CLNK: variants seen among roughly 807,000 people sequenced by gnomAD.
The protein encoded by CLNK is cytokine-dependent hematopoietic cell linker.
A neutral mutation model predicts 68.6 loss-of-function variants in CLNK; 74 were observed. The ratio of observed to expected loss-of-function variants is 1.08; its 90% CI spans 0.89 to 1.31. The LOEUF (loss-of-function observed/expected upper bound fraction) is 1.31, where lower values mean the gene tolerates loss of function less well. Among genes scored for constraint, CLNK ranks in the 50% most tolerant of loss-of-function variants. The pLI is 0.00. For synonymous variants in CLNK, 198 were observed against 172.2 expected (o/e 1.15, Z -1.17); for missense variants, 553 against 515.3 (o/e 1.07, Z -0.71).
intron 7 of CLNK, among the ~76,000 whole-genome samples, chr4:10,562,958 C>T (rs75901272): frequency 0.047 from 7,111 of 152,144 alleles, 216 homozygotes; most frequent in Middle Eastern, 0.1. Context: ...TAGCAGGCAC[C>T]GATGACATAG....
intron 4 of CLNK, among the ~76,000 whole-genome samples, chr4:10,584,671 G>A (rs1443323171): frequency 6.6e-6 from 1 of 152,180 alleles, no homozygotes; most frequent in Non-Finnish European, 1.5e-5. Flanking sequence ...GGCTCAGAAA[G>A]ATCTGTGCTT....
intron 3 of CLNK, among the ~76,000 whole-genome samples, chr4:10,594,642 G>A (rs1357365113): frequency 6.6e-6 from 1 of 152,146 alleles, no homozygotes; most frequent in African/African-American, 2.4e-5. Context: ...CAGAAGGGCT[G>A]GGCACATGCT....
At chr4:10,539,924 A>G (rs1173301612) in intron 11 of CLNK, among the ~76,000 whole-genome samples, 3 of 152,258 alleles carry the variant, frequency 2.0e-5, no homozygotes, top group Non-Finnish European at 4.4e-5. Flanking sequence ...TCAGGCCACA[A>G]GTGAGCAATT....
At chr4:10,599,678 C>G (rs967727401) in intron 2 of CLNK, among the ~76,000 whole-genome samples, 2 of 152,178 alleles carry the variant, frequency 1.3e-5, no homozygotes, top group Non-Finnish European at 2.9e-5. Context: ...CACCAGTAGC[C>G]TGGGTGCTAA....
intron 3 of CLNK, among the ~76,000 whole-genome samples, chr4:10,585,229 A>G (rs577141210): frequency 3.1e-4 from 47 of 152,384 alleles, no homozygotes; most frequent in African/African-American, 1.1e-3. Flanking sequence ...ATAGCTGTAT[A>G]CGTACCTGAA....
intron 2 of CLNK, among the ~76,000 whole-genome samples, chr4:10,614,891 G>A (rs113064078): frequency 2.6e-5 from 4 of 152,302 alleles, no homozygotes; most frequent in African/African-American, 9.6e-5. Context: ...GAGATTAGAA[G>A]AGCAAAGAAG....
the CLNK span, among the ~76,000 whole-genome samples, chr4:10,718,230 G>A: frequency 1.3e-5 from 2 of 152,190 alleles, no homozygotes; most frequent in Admixed American, 6.5e-5. Flanking sequence ...AGGAGAAAGA[G>A]GGAAGGGTTG....
upstream of CLNK, among the ~76,000 whole-genome samples, chr4:10,689,609 A>T (rs1027958503): frequency 4.6e-5 from 7 of 152,106 alleles, no homozygotes; most frequent in African/African-American, 1.7e-4. Flanking sequence ...CTGGAGTAGC[A>T]CCTTGCAACT....
At chr4:10,512,016 G>C (rs555689080) in intron 16 of CLNK, among the ~76,000 whole-genome samples, 1 of 152,138 alleles carries the variant, frequency 6.6e-6, no homozygotes, top group East Asian at 1.9e-4. Flanking sequence ...ACATAGATAT[G>C]CCACAAATCA....
chr4:10,718,374 GA>G, the CLNK span, among the ~76,000 whole-genome samples: 2 of 151,776 alleles, frequency 1.3e-5, no homozygotes, highest in Admixed American at 1.3e-4. Flanking sequence ...TAAAGACAAA[GA>G]AAAAATCTTG....
intron 2 of CLNK, among the ~76,000 whole-genome samples, chr4:10,648,895 T>C (rs936513252): frequency 6.6e-6 from 1 of 152,180 alleles, no homozygotes; most frequent in African/African-American, 2.4e-5. Flanking sequence ...TTCCACTCTT[T>C]CATCTCTCAA....
In CLNK at chr4:10,566,017, T is replaced by C; in HGVS notation, c.284A>G (p.Glu95Gly). ...ILPARPIKES[E>G]YADTHYFKVA... ...AGACCCCCAAACGTTACCTGCATAT[T>C]CAGATTCCTTTATAGGCCGGGCTGG... The change falls in exon 6 of 19, where the codon GAA becomes GGA. Residue 95 changes from glutamate to glycine, a missense_variant. Coordinates refer to ENST00000226951, the MANE Select transcript of CLNK (RefSeq NM_052964.4). 6.2e-7 allele frequency: 1 copy of C among 1,613,838 alleles called. No homozygotes were observed. The highest frequency in any genetic ancestry group is 8.5e-7 in the Non-Finnish European group (1 of 1,179,774).
At chr4:10,546,292 G>T (rs948794904) in intron 8 of CLNK, among the ~76,000 whole-genome samples, 3 of 152,064 alleles carry the variant, frequency 2.0e-5, no homozygotes, top group African/African-American at 7.2e-5. Context: ...ATCAATGTAA[G>T]TTGCCAAAAT....
chr4:10,709,661 T>C, the CLNK span, among the ~76,000 whole-genome samples: 1 of 152,174 alleles, frequency 6.6e-6, no homozygotes, highest in African/African-American at 2.4e-5. Context: ...TGTAACTTGC[T>C]CTGGGCAACA....
intron 2 of CLNK, among the ~76,000 whole-genome samples, chr4:10,652,841 A>G (rs1195017902): frequency 6.6e-6 from 1 of 152,188 alleles, no homozygotes; most frequent in Non-Finnish European, 1.5e-5. Flanking sequence ...CACATGGAAT[A>G]TTGCAAAAAA....
chr4:10,731,631 T>C, the CLNK span, among the ~76,000 whole-genome samples: 1 of 152,214 alleles, frequency 6.6e-6, no homozygotes, highest in Non-Finnish European at 1.5e-5. Context: ...CAATTTGAGT[T>C]TGATATTTAC....
intron 3 of CLNK, among the ~76,000 whole-genome samples, chr4:10,597,050 C>G (rs1362880150): frequency 6.6e-6 from 1 of 152,216 alleles, no homozygotes; most frequent in East Asian, 1.9e-4. Context: ...CAAAACACCT[C>G]AAGTATTCTA....
chr4:10,539,279 G>T (rs1176317786), intron 11 of CLNK, among the ~76,000 whole-genome samples: 1 of 152,210 alleles, frequency 6.6e-6, no homozygotes, highest in Non-Finnish European at 1.5e-5. Flanking sequence ...TTATGCTTGT[G>T]TGGGGCTGTA....
intron 15 of CLNK, among the ~76,000 whole-genome samples, chr4:10,520,501 C>A (rs558946824): frequency 6.6e-6 from 1 of 152,248 alleles, no homozygotes; most frequent in East Asian, 1.9e-4. Context: ...TAAGACAGAG[C>A]AATTTCAGTC....
Sources: gnomAD v4.1 joint callset for allele counts (sites outside exome capture counted in the v4.1 genomes callset) on GRCh38, gnomAD v4.1.1 for gene constraint, MANE v1.5 for transcripts, NCBI Gene and HGNC (gene_info 2026-07-23, HGNC 2026-07-21) for gene names.